The following SPDYC variants were observed in gnomAD, a reference collection of about 807,000 sequenced individuals.
SPDYC encodes the protein speedy/RINGO cell cycle regulator family member C, also known as speedy protein C.
In SPDYC, 25 loss-of-function variants were observed where a neutral mutation model predicts 33.9. The ratio of observed to expected loss-of-function variants is 0.74; its 90% CI spans 0.54 to 1.03. SPDYC has a LOEUF of 1.03. Among genes scored for constraint, SPDYC ranks in the 50% least tolerant of loss-of-function variants. The probability of loss-of-function intolerance (pLI) is 0.00; values close to 1 mark genes in which losing one functional copy is unlikely to be tolerated. For synonymous variants in SPDYC, 133 were observed against 140.2 expected (o/e 0.95, Z 0.36); for missense variants, 349 against 382.9 (o/e 0.91, Z 0.74).
chr11:65,172,392 A>T (rs753907891), intron 4 of SPDYC, 42 bp from the exon 5 acceptor site: 39 of 1,613,138 alleles, frequency 2.4e-5, no homozygotes, highest in Non-Finnish European at 3.1e-5. Context: ...GACAGGGCAG[A>T]TGTGTGGCCT....
rs763723104 is a variant in SPDYC, at chr11:65,172,781, T to C, written c.614T>C (p.Leu205Pro). 15 of 1,613,914 alleles carry C rather than the reference T, an allele frequency of 9.3e-6. No individual in the cohort carries two copies. In the South Asian group the frequency reaches 1.4e-4, roughly 15 times the overall value. The change falls in exon 6 of 7, where the codon CTT (leucine) becomes CCT (proline). Residue 205 changes from leucine to proline, a missense_variant. Transcript: ENST00000377185. Reference sequence around the variant, plus strand: ...GTCTGTCCACAGGTCCCTGTTCGCCTTCCCCGGGGCCCTGGCCTCTCGCCG... The same window carrying C: ...GTCTGTCCACAGGTCCCTGTTCGCCCTCCCCGGGGCCCTGGCCTCTCGCCG...
intron 6 of SPDYC, 28 bp downstream of exon 6, chr11:65,173,042 G>A (rs1295949465): frequency 1.9e-6 from 3 of 1,606,200 alleles, no homozygotes; most frequent in South Asian, 2.2e-5. Context: ...CAGGAGCTGG[G>A]GGCTGGTGTG....
At chr11:65,170,814 C>T (rs960629931) in intron 1 of SPDYC, among the ~76,000 whole-genome samples, 12 of 152,174 alleles carry the variant, frequency 7.9e-5, no homozygotes, top group African/African-American at 2.9e-4. Context: ...ACCCGGGAGG[C>T]GGAGGTTGCA....
At chr11:65,172,280 G>C in exon 4 of SPDYC, 1 of 1,614,110 alleles carries the variant, frequency 6.2e-7, no homozygotes, top group South Asian at 1.1e-5. Context: ...TACTTCCAGC[G>C]CGCCCACCTG....
At position 65,170,272 on chromosome 11, in the gene SPDYC, C is replaced by T. The variant is rs780462472; in HGVS notation, c.26+11C>T. 6 of 1,578,300 alleles carry T rather than the reference C, an allele frequency of 3.8e-6. No individual in the cohort carries two copies. Among genetic ancestry groups the T allele is most frequent in the South Asian group, 1.1e-5 (1 of 87,376 alleles). On this transcript the variant is annotated intron_variant, in intron 1 of 6. Transcript: ENST00000377185. The stretch of plus-strand genomic sequence containing the variant: ...CATTCCTGAGCTCGGGTAAGGCTCG[C>T]TGCAGGAGGAGGCTGGGTTGCTTGC...
chr11:65,172,152 C>G (rs998732739), intron 3 of SPDYC, 94 bp from the exon 4 acceptor site: 1 of 1,547,070 alleles, frequency 6.5e-7, no homozygotes, highest in Admixed American at 1.7e-5. Context: ...CTTTCTTTCC[C>G]TGCAGCAAAA....
At chr11:65,173,346 AAATT>A, downstream of SPDYC, 1 of 1,135,702 alleles carries the variant, frequency 8.8e-7, no homozygotes, top group Non-Finnish European at 1.2e-6. Context: ...CCCCTCTAAT[AAATT>A]CATGTCCACA....
rs1948450292 is a variant in SPDYC at position 65,172,625 on chromosome 11, T to C, written c.516+20T>C. On this transcript the variant is annotated intron_variant, in intron 5 of 6. Transcript: ENST00000377185. ...GAGGAGGTGAGGCTGGGAGGCAACC[T>C]GGGGTGTGGGGAAGGCTGGGGTTCC... 5.1e-6 allele frequency: 8 copies of C among 1,555,512 alleles called. No homozygotes were observed. The highest frequency in any genetic ancestry group is 4.5e-5 in the East Asian group (2 of 44,368).
exon 6 of SPDYC, chr11:65,172,748 T>C (rs774432654): frequency 1.2e-6 from 2 of 1,613,694 alleles, no homozygotes; most frequent in Middle Eastern, 3.3e-4. Context: ...CATGGTGGGG[T>C]TCAGAGGGTC....
In SPDYC at chr11:65,171,521, G is replaced by A. The variant is rs759246819; in HGVS notation, c.199+22G>A. On this transcript the variant is annotated intron_variant, in intron 2 of 6. Transcript: ENST00000377185. ...CTGGGTGAGTTTGGAGGGCTGGCACGGGAGGGGCCGTGAGGTCAAGTGTGA... is the reference window on the plus strand; with the variant it reads ...CTGGGTGAGTTTGGAGGGCTGGCACAGGAGGGGCCGTGAGGTCAAGTGTGA... 2.2e-5 allele frequency: 34 copies of A among 1,523,790 alleles called. 1 individual carries two copies. The highest frequency in any genetic ancestry group is 2.3e-4 in the Middle Eastern group (1 of 4,430). The allele number at this position is 1,523,790 out of a possible 1,614,324, so 94.4% of individuals were successfully genotyped here.
chr11:65,173,125 C>A lies in SPDYC; in HGVS notation c.848-58C>A, dbSNP rs1948459247. On this transcript the variant is annotated intron_variant, in intron 6 of 6. Coordinates refer to ENST00000377185, the Ensembl canonical transcript of SPDYC. Reference sequence around the variant, plus strand: ...CATGGGCCTGGGGTCGACGTGCTGCCCCTCCCGTGTGAGCTTGGCAGGTTT... The same window carrying A: ...CATGGGCCTGGGGTCGACGTGCTGCACCTCCCGTGTGAGCTTGGCAGGTTT... 3 of 1,607,484 alleles carry A rather than the reference C, an allele frequency of 1.9e-6. No homozygotes were observed. In the South Asian group the frequency reaches 3.3e-5, roughly 18 times the overall value.
exon 5 of SPDYC, chr11:65,172,466 A>G (rs2137289616): frequency 1.3e-6 from 2 of 1,589,618 alleles, no homozygotes; most frequent in Middle Eastern, 1.7e-4. Context: ...GAGGACCTGG[A>G]GGGCCCCAAA....
rs1430557446 is a variant in SPDYC, at chr11:65,172,226, AC to A, written c.259-16del. The A allele has an allele frequency of 1.2e-6, 2 of 1,613,398 alleles. No individual in the cohort carries two copies. The highest frequency in any genetic ancestry group is 3.3e-5 in the Admixed American group (2 of 59,952). On this transcript the variant is annotated intron_variant, in intron 3 of 6. Transcript: ENST00000377185. The stretch of plus-strand genomic sequence containing the variant: ...CTCCTCAGAGAATAACTAACCCCCC[AC>A]CCCGATCTGTCTCTGCAGTATCTCC...
chr11:65,172,622 A>T lies in SPDYC; in HGVS notation c.516+17A>T. The T allele has an allele frequency of 1.9e-6, 3 of 1,555,570 alleles. No individual in the cohort carries two copies. The highest frequency in any genetic ancestry group is 2.6e-6 in the Non-Finnish European group (3 of 1,149,996). The stretch of plus-strand genomic sequence containing the variant: ...TGTGAGGAGGTGAGGCTGGGAGGCA[A>T]CCTGGGGTGTGGGGAAGGCTGGGGT... On this transcript the variant is annotated intron_variant, in intron 5 of 6. Coordinates refer to ENST00000377185, the Ensembl canonical transcript of SPDYC.
chr11:65,172,965 C>T (rs1565375412), exon 6 of SPDYC: 6 of 1,613,826 alleles, frequency 3.7e-6, no homozygotes, highest in Non-Finnish European at 4.2e-6. Flanking sequence ...ACTTTCTCAT[C>T]GTCTTGCCTC....
At chr11:65,171,056 A>C (rs966874712) in intron 1 of SPDYC, among the ~76,000 whole-genome samples, 2 of 152,042 alleles carry the variant, frequency 1.3e-5, no homozygotes, top group African/African-American at 4.8e-5. Flanking sequence ...AGCCCCAGGC[A>C]CTTAGGAAGC....
At position 65,172,577 on chromosome 11, in the gene SPDYC, C is replaced by T. The variant is rs754532762; in HGVS notation, c.488C>T (p.Ala163Val). 7.2e-5 allele frequency: 112 copies of T among 1,553,084 alleles called. No homozygotes were observed. Among genetic ancestry groups the T allele is most frequent in the Non-Finnish European group, 8.1e-5 (93 of 1,149,650 alleles). The stretch of plus-strand genomic sequence containing the variant: ...CTTTGGGCACGGATGGGTTTCCGGG[C>T]TGTTGTGAGCCGCCAGTGCTGTGAG... Residue 163 changes from alanine (A) to valine (V), a missense_variant, in exon 5 of 7, where the codon GCT becomes GTT. By Grantham distance (64) the Ala-to-Val change is moderately conservative. Transcript: ENST00000377185.
exon 7 of SPDYC, chr11:65,173,190 A>G: frequency 1.2e-6 from 2 of 1,614,010 alleles, no homozygotes; most frequent in African/African-American, 1.3e-5. Flanking sequence ...CAGTCTTCCC[A>G]AAGCCTCCGG....
intron 1 of SPDYC, 77 bp downstream of exon 1, chr11:65,170,338 T>G: frequency 7.0e-7 from 1 of 1,424,512 alleles, no homozygotes; most frequent in Non-Finnish European, 9.3e-7. Context: ...CCTGGGGTGG[T>G]CGACCGCACG....
Sources: allele counts gnomAD v4.1 joint callset (sites outside exome capture counted in the v4.1 genomes callset), GRCh38; gene constraint gnomAD v4.1.1; transcripts MANE v1.5; gene names NCBI Gene and HGNC (gene_info 2026-07-23, HGNC 2026-07-21).